GATA4: variants seen among roughly 807,000 people sequenced by gnomAD.
The protein encoded by GATA4 is GATA binding protein 4, also known as transcription factor GATA-4.
Under a neutral mutation model 37.9 loss-of-function variants are expected in GATA4, and 7 were observed. That is an observed-to-expected ratio of 0.18 (90% confidence interval 0.11 to 0.35). The LOEUF is 0.35. Among genes scored for constraint, GATA4 ranks in the 10% least tolerant of loss-of-function variants. The pLI is 1.00. For missense variants in GATA4, 647 were observed against 653.0 expected (o/e 0.99, Z 0.10); for synonymous variants, 372 against 292.6 (o/e 1.27, Z -2.77).
At chr8:11,725,840 G>A (rs987555200) in intron 2 of GATA4, among the ~76,000 whole-genome samples, 1 of 152,226 alleles carries the variant, frequency 6.6e-6, no homozygotes, top group Admixed American at 6.5e-5. Context: ...AAAGCCAGTG[G>A]CGGGAAAGGG....
chr8:11,698,083 T>G, intron 1 of GATA4: 1 of 889,514 alleles, frequency 1.1e-6, no homozygotes, highest in Non-Finnish European at 1.3e-6. Context: ...CCCGGCCGCT[T>G]TCTGGCGTCC....
intron 2 of GATA4, among the ~76,000 whole-genome samples, chr8:11,731,124 C>T (rs544904053): frequency 6.6e-6 from 1 of 152,222 alleles, no homozygotes; most frequent in African/African-American, 2.4e-5. Flanking sequence ...TTGCAGCTAC[C>T]ACTGCCTCTG....
intron 2 of GATA4, among the ~76,000 whole-genome samples, chr8:11,714,135 A>T (rs1406719855): frequency 6.6e-6 from 1 of 152,248 alleles, no homozygotes; most frequent in Non-Finnish European, 1.5e-5. Context: ...AAAGGCTAGG[A>T]AAATATATTT....
chr8:11,680,708 A>T (rs1798937971), intron 1 of GATA4: 3 of 985,108 alleles, frequency 3.0e-6, no homozygotes, highest in South Asian at 4.7e-5. Context: ...GGAATCCTCC[A>T]GCCGCTGCGC....
At chr8:11,696,537 G>A (rs534501114) in intron 1 of GATA4, among the ~76,000 whole-genome samples, 4 of 152,282 alleles carry the variant, frequency 2.6e-5, no homozygotes, top group South Asian at 2.1e-4. Context: ...GTGGTTTCCC[G>A]TTTGGGGCAA....
chr8:11,688,035 G>A (rs1405779055), upstream of GATA4, among the ~76,000 whole-genome samples: 2 of 152,162 alleles, frequency 1.3e-5, no homozygotes, highest in Non-Finnish European at 2.9e-5. Context: ...ACCAGGCACA[G>A]CTTAAACCCA....
At chr8:11,753,892 C>T (rs1046280296) in intron 4 of GATA4, among the ~76,000 whole-genome samples, 7 of 152,188 alleles carry the variant, frequency 4.6e-5, no homozygotes, top group African/African-American at 1.7e-4. Context: ...TTGGCTCAGC[C>T]TAAGAGAAAC....
At position 11,749,180 on chromosome 8, in the gene GATA4, G is replaced by A; in HGVS notation, c.786+95G>A. 7.9e-7 allele frequency: 1 copy of A among 1,261,364 alleles called. No individual in the cohort carries two copies. The highest frequency in any genetic ancestry group is 1.3e-5 in the South Asian group (1 of 79,754). 78.1% of individuals were successfully genotyped at this position (1,261,364 alleles called of 1,614,324 possible). On this transcript the variant is annotated intron_variant, in intron 3 of 6. Coordinates refer to ENST00000532059, the MANE Select transcript of GATA4 (RefSeq NM_001308093.3). The surrounding 1 kb of genome is among the most constrained non-coding windows in gnomAD (Gnocchi z 4.6). The stretch of plus-strand genomic sequence containing the variant: ...TGGTTTTGAATTTTGGAACTTGAGG[G>A]TGTGCATCGGGGATTACGTGGGTGA...
intron 1 of GATA4, among the ~76,000 whole-genome samples, chr8:11,680,275 G>A (rs914108102): frequency 1.3e-5 from 2 of 152,232 alleles, no homozygotes; most frequent in Admixed American, 1.3e-4. Flanking sequence ...CGGTGCCGGT[G>A]GAGCAGGCTA....
rs1298635478 is a variant in GATA4 at position 11,759,962 on chromosome 8, A to T, written c.*1487A>T. The T allele has an allele frequency of 6.6e-6, 1 of 152,650 alleles. No homozygotes were observed. The highest frequency in any genetic ancestry group is 2.4e-5 in the African/African-American group (1 of 41,434). 9.5% of individuals were successfully genotyped at this position (152,650 alleles called of 1,614,324 possible). On this transcript the variant is annotated 3_prime_UTR_variant, in exon 7 of 7. Coordinates refer to ENST00000532059, the MANE Select transcript of GATA4 (RefSeq NM_001308093.3). ...TTGTCTTAAGGTGAAATGGCTGGAA[A>T]ATCAGTATTTAACTAATAAATTTAT... is the stretch of plus-strand genomic sequence containing the variant.
intron 2 of GATA4, among the ~76,000 whole-genome samples, chr8:11,730,538 C>T (rs573951899): frequency 3.3e-5 from 5 of 152,326 alleles, no homozygotes; most frequent in South Asian, 4.1e-4. Flanking sequence ...TTTGTCTGGC[C>T]TCCACGTAGG....
At chr8:11,715,239 A>G (rs1412195219) in intron 2 of GATA4, among the ~76,000 whole-genome samples, 2 of 152,194 alleles carry the variant, frequency 1.3e-5, no homozygotes, top group African/African-American at 4.8e-5. Flanking sequence ...AAATCTCACA[A>G]AAAATTTGTA....
rs190458135 is a variant in GATA4 at position 11,741,817 on chromosome 8, G to T, written c.617-7099G>T. Reference sequence around the variant, plus strand: ...CAAGATGGGAAAACAGCATGCTTGCGCTCTGAACTCCTGCAGCCCTTGCTG... The same window carrying T: ...CAAGATGGGAAAACAGCATGCTTGCTCTCTGAACTCCTGCAGCCCTTGCTG... On this transcript the variant is annotated intron_variant, in intron 2 of 6. Transcript: ENST00000532059. Among the ~76,000 whole-genome samples the T allele has an allele frequency of 2.4e-3, 372 of 152,326 alleles. 1 individual carries two copies. The highest frequency in any genetic ancestry group is 8.7e-3 in the African/African-American group (361 of 41,568).
chr8:11,681,051 C>A (rs1038519135), intron 1 of GATA4: 10 of 946,790 alleles, frequency 1.1e-5, no homozygotes, highest in Non-Finnish European at 1.3e-5. Context: ...TAATGCCTTC[C>A]TTCTCTGGCC....
intron 2 of GATA4, among the ~76,000 whole-genome samples, chr8:11,719,406 G>A (rs778790023): frequency 1.3e-5 from 2 of 152,172 alleles, no homozygotes; most frequent in Non-Finnish European, 2.9e-5. Context: ...TTCCCACGGA[G>A]TGCACAGATG....
At chr8:11,720,779 G>GTA in intron 2 of GATA4, among the ~76,000 whole-genome samples, 1 of 149,558 alleles carries the variant, frequency 6.7e-6, no homozygotes, top group African/African-American at 2.4e-5. Flanking sequence ...ACCTGATCTG[G>GTA]TTTTTTTTTT....
At chr8:11,712,412 A>G (rs1460274920) in intron 2 of GATA4, among the ~76,000 whole-genome samples, 1 of 152,216 alleles carries the variant, frequency 6.6e-6, no homozygotes, top group East Asian at 1.9e-4. Context: ...AAGCAGCATC[A>G]TTCTTCCCTC....
chr8:11,680,690 G>T, intron 1 of GATA4: 2 of 985,290 alleles, frequency 2.0e-6, no homozygotes, highest in Non-Finnish European at 2.4e-6. Flanking sequence ...CCCCCCCTTG[G>T]GGAGACCGGA....
chr8:11,735,955 G>A (rs1801433961), intron 2 of GATA4, among the ~76,000 whole-genome samples: 1 of 152,180 alleles, frequency 6.6e-6, no homozygotes, highest in Admixed American at 6.5e-5. Flanking sequence ...TTGTCACCCA[G>A]GTTGGAGTGT....
Sources: gnomAD v4.1 joint callset for allele counts (sites outside exome capture counted in the v4.1 genomes callset) on GRCh38, gnomAD v4.1.1 for gene constraint, Gnocchi (gnomAD v3.1) non-coding constraint, MANE v1.5 for transcripts, NCBI Gene and HGNC (gene_info 2026-07-23, HGNC 2026-07-21) for gene names.